Variants in ADAMTS12 observed in about 807,000 individuals in gnomAD.
ADAMTS12 encodes the protein A disintegrin and metalloproteinase with thrombospondin motifs 12.
ADAMTS12 carries 118 observed loss-of-function variants against 167.8 expected under a neutral mutation model. The ratio of observed to expected loss-of-function variants is 0.70; its 90% confidence interval spans 0.61 to 0.82. The LOEUF is 0.82. Ranked by LOEUF, ADAMTS12 falls within the 40% of genes least tolerant of loss-of-function variation. ADAMTS12 has a pLI of 0.00. For missense variants in ADAMTS12, 1,916 were observed against 1,998.8 expected (o/e 0.96, Z 0.79); for synonymous variants, 704 against 716.9 (o/e 0.98, Z 0.29).
At chr5:33,563,733 C>T (rs1055396724) in intron 19 of ADAMTS12, among the ~76,000 whole-genome samples, 14 of 152,168 alleles carry the variant, frequency 9.2e-5, no homozygotes, top group African/African-American at 4.8e-5. Context: ...AAAATAAAAG[C>T]CATACCCATG....
At chr5:33,568,214 C>T (rs1483780686) in intron 19 of ADAMTS12, among the ~76,000 whole-genome samples, 1 of 152,144 alleles carries the variant, frequency 6.6e-6, no homozygotes, top group East Asian at 1.9e-4. Flanking sequence ...AGCATGAAAA[C>T]CTTTTCTACC....
chr5:33,816,947 T>C (rs908860682), intron 2 of ADAMTS12, among the ~76,000 whole-genome samples: 1 of 152,182 alleles, frequency 6.6e-6, no homozygotes, highest in African/African-American at 2.4e-5. Context: ...ACATAAACTA[T>C]TGTTTCCCTC....
chr5:33,890,726 C>T (rs1008950339), intron 1 of ADAMTS12, among the ~76,000 whole-genome samples: 10 of 151,976 alleles, frequency 6.6e-5, no homozygotes, highest in South Asian at 2.1e-4. Flanking sequence ...TGTGTGTGTG[C>T]GTGTGTGTCC....
chr5:33,561,004 C>T lies in ADAMTS12; in HGVS notation c.4125+23G>A, dbSNP rs753666011. The T allele has an allele frequency of 1.4e-5, 23 of 1,613,184 alleles. No individual in the cohort carries two copies. The East Asian group carries it at 3.3e-4, about 23-fold the overall frequency. On this transcript the variant is annotated intron_variant, in intron 20 of 23. Coordinates refer to ENST00000504830, the MANE Select transcript of ADAMTS12 (RefSeq NM_030955.4). Reference sequence around the variant, plus strand: ...ATCCCCACCTTCTCTACCTCCAAGACTCTGCCAAGCCTGATAAGTTACCTT... The same window carrying T: ...ATCCCCACCTTCTCTACCTCCAAGATTCTGCCAAGCCTGATAAGTTACCTT...
intron 2 of ADAMTS12, among the ~76,000 whole-genome samples, chr5:33,772,723 A>C (rs1380626629): frequency 6.6e-6 from 1 of 152,202 alleles, no homozygotes; most frequent in Non-Finnish European, 1.5e-5. Context: ...CACCACTCTT[A>C]AAAACTGAGC....
At chr5:33,748,010 G>A (rs1207758850) in intron 3 of ADAMTS12, among the ~76,000 whole-genome samples, 4 of 152,126 alleles carry the variant, frequency 2.6e-5, no homozygotes, top group Non-Finnish European at 4.4e-5. Context: ...TGTATGCCAG[G>A]AGCCAGACCC....
At chr5:33,751,639 T>TAA in intron 2 of ADAMTS12, 91 bp from the exon 3 acceptor site, 1 of 1,285,726 alleles carries the variant, frequency 7.8e-7, no homozygotes, top group Non-Finnish European at 1.1e-6. Context: ...TATGAGTATC[T>TAA]CTGAAACTCC....
intron 2 of ADAMTS12, among the ~76,000 whole-genome samples, chr5:33,858,359 C>G (rs552630381): frequency 6.6e-6 from 1 of 152,176 alleles, no homozygotes; most frequent in Admixed American, 6.5e-5. Context: ...AAAATGCTTA[C>G]AGTAGAAAAG....
At chr5:33,542,683 C>G (rs550100105) in intron 22 of ADAMTS12, among the ~76,000 whole-genome samples, 2 of 152,310 alleles carry the variant, frequency 1.3e-5, no homozygotes, top group Admixed American at 6.5e-5. Flanking sequence ...ACAGTGCAAT[C>G]AAATTAGAAT....
chr5:33,680,488 A>C (rs1742070356), intron 5 of ADAMTS12, among the ~76,000 whole-genome samples: 1 of 140,902 alleles, frequency 7.1e-6, no homozygotes, highest in Non-Finnish European at 1.5e-5. Context: ...TTTCCTTCTT[A>C]TTCCCAGAAG....
At chr5:33,561,202 T>C (rs1745736083) in intron 19 of ADAMTS12, 23 bp from the exon 20 acceptor site, 1 of 1,608,768 alleles carries the variant, frequency 6.2e-7, no homozygotes, top group East Asian at 2.2e-5. Context: ...AGGAGAGAGA[T>C]GACAGAGGCT....
chr5:33,843,602 A>C (rs978401465), intron 2 of ADAMTS12, among the ~76,000 whole-genome samples: 5 of 152,246 alleles, frequency 3.3e-5, no homozygotes, highest in African/African-American at 1.2e-4. Context: ...ATTTTCATAA[A>C]TATAAAAGGG....
At chr5:33,628,928 T>C (rs574638545) in intron 13 of ADAMTS12, among the ~76,000 whole-genome samples, 113 of 152,214 alleles carry the variant, frequency 7.4e-4, no homozygotes, top group African/African-American at 2.6e-3. Flanking sequence ...GCTTATTCTA[T>C]TGGGTTCACT....
chr5:33,849,410 CAGCAATATATATATGTATTGAAT>C (rs200731238), intron 2 of ADAMTS12, among the ~76,000 whole-genome samples: 83 of 130,066 alleles, frequency 6.4e-4, no homozygotes, highest in East Asian at 3.1e-3. Flanking sequence ...ATGTATTGCA[CAGCAATATATATATGTATTGAAT>C]AGCAATATAT....
intron 5 of ADAMTS12, among the ~76,000 whole-genome samples, chr5:33,667,000 T>C (rs527465519): frequency 6.6e-6 from 1 of 152,308 alleles, no homozygotes; most frequent in East Asian, 1.9e-4. Flanking sequence ...TGTGAAGTAT[T>C]AATAGTTAGG....
At chr5:33,867,266 A>G (rs1749858543) in intron 2 of ADAMTS12, among the ~76,000 whole-genome samples, 1 of 152,242 alleles carries the variant, frequency 6.6e-6, no homozygotes. Flanking sequence ...ACACCATGAA[A>G]TACTATCCAG....
At chr5:33,542,118 G>A (rs1437553710) in intron 22 of ADAMTS12, among the ~76,000 whole-genome samples, 5 of 151,066 alleles carry the variant, frequency 3.3e-5, no homozygotes, top group Non-Finnish European at 7.4e-5. Context: ...AAACACATAG[G>A]CTCAAAAAAA....
At chr5:33,763,607 C>T (rs549841094) in intron 2 of ADAMTS12, among the ~76,000 whole-genome samples, 45 of 152,300 alleles carry the variant, frequency 3.0e-4, no homozygotes, top group African/African-American at 1.0e-3. Flanking sequence ...CCAAAGTAGA[C>T]CCATTCAGGG....
At chr5:33,649,991 A>G (rs1740816322) in intron 7 of ADAMTS12, among the ~76,000 whole-genome samples, 1 of 152,188 alleles carries the variant, frequency 6.6e-6, no homozygotes, top group African/African-American at 2.4e-5. Context: ...CTTTCTTTCT[A>G]TGAATCAGGA....
Sources: gnomAD v4.1 joint callset for allele counts (sites outside exome capture counted in the v4.1 genomes callset) on GRCh38, gnomAD v4.1.1 for gene constraint, MANE v1.5 for transcripts, NCBI Gene and HGNC (gene_info 2026-07-23, HGNC 2026-07-21) for gene names.